NOTCH3: variants seen among roughly 807,000 people sequenced by gnomAD.
The protein encoded by NOTCH3 is neurogenic locus notch homolog protein 3.
A neutral mutation model predicts 213.3 loss-of-function variants in NOTCH3; 86 were observed. The ratio of observed to expected loss-of-function variants is 0.40; its 90% CI spans 0.34 to 0.48. NOTCH3 has a LOEUF of 0.48. Ranked by LOEUF, NOTCH3 falls within the 20% of genes least tolerant of loss-of-function variation. NOTCH3 has a pLI of 0.57. For missense variants in NOTCH3, 2,783 were observed against 3,272.6 expected, an observed-to-expected ratio of 0.85 and a Z score of 3.65; for synonymous variants, 1,354 against 1,355.9, an observed-to-expected ratio of 1.00 and a Z score of 0.03.
rs764529585 is a variant in NOTCH3, at chr19:15,174,070, G to A, written c.4734C>T (p.Ile1578=). 3.3e-5 allele frequency: 51 copies of A among 1,566,690 alleles called. No homozygotes were observed. Among genetic ancestry groups the A allele is most frequent in the Non-Finnish European group, 4.3e-5 (49 of 1,152,160 alleles). ...RARRELAPEV[I]GSVVMLEIDN... is the part of the protein sequence containing the mutation. Reference sequence around the variant, plus strand: ...CTTTTCCAGGTGGGGTCACTCACCCGATCACCTCGGGGGCCAGCTCCCGAC... The same window carrying A: ...CTTTTCCAGGTGGGGTCACTCACCCAATCACCTCGGGGGCCAGCTCCCGAC... The change falls in exon 25 of 33, where the codon ATC becomes ATT. Residue 1578 remains isoleucine (I), a splice_region_variant and synonymous_variant. Coordinates refer to ENST00000263388, the MANE Select transcript of NOTCH3 (RefSeq NM_000435.3).
At chr19:15,177,071 TAAAAAA>T (rs776950725) in intron 24 of NOTCH3, among the ~76,000 whole-genome samples, 23 of 79,144 alleles carry the variant, frequency 2.9e-4, no homozygotes, top group African/African-American at 8.1e-4. Flanking sequence ...GACTCCGTCT[TAAAAAA>T]AAAAAAAAAA....
In NOTCH3 at chr19:15,167,403, C is replaced by T. The variant is rs200331646; in HGVS notation, c.5208G>A (p.Glu1736=). ...CPEAKRLKVE[E]PGMGAEEAVD... is the part of the protein sequence containing the mutation. ...CAGCCTCCTCAGCCCCCATGCCTGG[C>T]TCCTCTACCTGGAGGGGCAGGCACC... The change falls in exon 29 of 33, where the codon GAG becomes GAA. Residue 1736 remains glutamate (E), a synonymous_variant. Coordinates refer to ENST00000263388, the MANE Select transcript of NOTCH3 (RefSeq NM_000435.3). 1.9e-6 allele frequency: 3 copies of T among 1,605,528 alleles called. No homozygotes were observed. The highest frequency in any genetic ancestry group is 2.5e-6 in the Non-Finnish European group (3 of 1,179,990).
intron 24 of NOTCH3, among the ~76,000 whole-genome samples, chr19:15,174,950 A>G (rs779908156): frequency 1.3e-5 from 2 of 151,576 alleles, no homozygotes; most frequent in Non-Finnish European, 2.9e-5. Flanking sequence ...CAGTGGTGCA[A>G]TCATAGCTCT....
chr19:15,180,936 C>A (rs1197954968), intron 18 of NOTCH3, 25 bp downstream of exon 18: 1 of 1,583,944 alleles, frequency 6.3e-7, no homozygotes, highest in Non-Finnish European at 8.6e-7. Context: ...GGCTCCTCCC[C>A]CAGGTCCCCA....
chr19:15,184,355 T>A lies in NOTCH3; in HGVS notation c.2506A>T (p.Thr836Ser). ...GGGCCAGTGTACCCTCCATGGCAGG[T>A]GCAGCTGAAACTCCCTGCCAGGTTG... Reference protein sequence around the residue: ...CTNLAGSFSCTCHGGYTGPSC... With the variant: ...CTNLAGSFSCSCHGGYTGPSC... Residue 836 changes from threonine to serine, a missense_variant, in exon 16 of 33, where the codon ACC becomes TCC. Transcript: ENST00000263388. 6.2e-7 allele frequency: 1 copy of A among 1,613,124 alleles called. No individual in the cohort carries two copies. Among genetic ancestry groups the A allele is most frequent in the Non-Finnish European group, 8.5e-7 (1 of 1,179,852 alleles).
rs202085803 is a variant in NOTCH3 at position 15,174,360 on chromosome 19, C to G, written c.4444G>C (p.Gly1482Arg). Residue 1482 changes from glycine to arginine, a missense_variant, in exon 25 of 33, where the codon GGC (glycine) becomes CGC (arginine). Physicochemically the swap from Gly to Arg is moderately radical, Grantham distance 125. Around this residue, in one of 6 missense-constraint regions of NOTCH3, gnomAD observed 636 missense variants for 801.8 expected, o/e 0.79. Coordinates refer to ENST00000263388, the MANE Select transcript of NOTCH3 (RefSeq NM_000435.3). ...GTGTTGCAGCCCTGGTCGCAGCGGC[C>G]GTCGGCAAAGTGGTCGGCGCAGTAC... ...EKYCADHFAD[G>R]RCDQGCNTEE... is the part of the protein sequence containing the mutation. The G allele has an allele frequency of 1.9e-6, 3 of 1,545,872 alleles. No individual in the cohort carries two copies. In the Admixed American group the frequency reaches 5.9e-5, roughly 30 times the overall value.
At chr19:15,179,544 C>T (rs1355288661) in intron 20 of NOTCH3, 48 bp from the exon 21 acceptor site, 1 of 1,605,214 alleles carries the variant, frequency 6.2e-7, no homozygotes, top group East Asian at 2.2e-5. Context: ...GGGACACAGA[C>T]CCACCTGGAC....
At position 15,184,404 on chromosome 19, in the gene NOTCH3, G is replaced by A. The variant is rs764248149; in HGVS notation, c.2457C>T (p.Pro819=). ...TGGTGCAGATACCATGAGGGCCACA[G>A]GGTGCGGGGCCAGCACACTCGTCCA... ...QDVDECAGPA[P]CGPHGICTNL... Residue 819 remains proline (P), a synonymous_variant, in exon 16 of 33, where the codon CCC becomes CCT. Coordinates refer to ENST00000263388, the MANE Select transcript of NOTCH3 (RefSeq NM_000435.3). The A allele has an allele frequency of 6.2e-7, 1 of 1,613,910 alleles. No individual in the cohort carries two copies. The highest frequency in any genetic ancestry group is 8.5e-7 in the Non-Finnish European group (1 of 1,179,906).
intron 18 of NOTCH3, 32 bp from the exon 19 acceptor site, chr19:15,180,860 G>A: frequency 6.2e-7 from 1 of 1,610,542 alleles, no homozygotes; most frequent in Non-Finnish European, 8.5e-7. Flanking sequence ...TCAGTACTGT[G>A]GGGTGGGGGG....
intron 2 of NOTCH3, among the ~76,000 whole-genome samples, chr19:15,193,368 C>T (rs1391296851): frequency 6.6e-6 from 1 of 151,898 alleles, no homozygotes; most frequent in Admixed American, 6.6e-5. Flanking sequence ...TCCTGCGTAG[C>T]TGGGAGTACA....
chr19:15,182,029 G>A (rs1157611307), intron 16 of NOTCH3, among the ~76,000 whole-genome samples: 1 of 152,168 alleles, frequency 6.6e-6, no homozygotes, highest in Admixed American at 6.5e-5. Flanking sequence ...AAACCAAAAG[G>A]TCCCTTTAAG....
chr19:15,174,299 C>A lies in NOTCH3; in HGVS notation c.4505G>T (p.Ser1502Ile). The stretch of plus-strand genomic sequence containing the variant: ...GCGGGCCAGCAGGGCCGGCACCTCG[C>A]TGGCACAATCCAGCCCATCCCAGCC... ...ECGWDGLDCA[S>I]EVPALLARGV... Residue 1502 changes from serine to isoleucine, a missense_variant, in exon 25 of 33, where the codon AGC becomes ATC. Coordinates refer to ENST00000263388, the MANE Select transcript of NOTCH3 (RefSeq NM_000435.3). 1 of 1,556,834 alleles carries A rather than the reference C, an allele frequency of 6.4e-7. No homozygotes were observed.
In NOTCH3 at chr19:15,189,323, G is replaced by T; in HGVS notation, c.1142C>A (p.Pro381His). The change falls in exon 7 of 33, where the codon CCC becomes CAC. Residue 381 changes from proline to histidine, a missense_variant. By Grantham distance (77) the Pro-to-His change is moderately conservative (BLOSUM62 -2). Around this residue, in one of 6 missense-constraint regions of NOTCH3, gnomAD observed 708 missense variants for 906.6 expected, o/e 0.78. Coordinates refer to ENST00000263388, the MANE Select transcript of NOTCH3 (RefSeq NM_000435.3). ...GTCACATGCCCCACCCGTGAAGCCGGGAGGACAGGTGCAAATGGCCCGGCC... is the reference window on the plus strand; with the variant it reads ...GTCACATGCCCCACCCGTGAAGCCGTGAGGACAGGTGCAAATGGCCCGGCC... ...VNGRAICTCP[P>H]GFTGGACDQD... 1 of 1,614,058 alleles carries T rather than the reference G, an allele frequency of 6.2e-7. No individual in the cohort carries two copies. Among genetic ancestry groups the T allele is most frequent in the Non-Finnish European group, 8.5e-7 (1 of 1,180,030 alleles).
chr19:15,162,659 G>T lies in NOTCH3; in HGVS notation c.5816-97C>A, dbSNP rs1048587758. The T allele has an allele frequency of 3.5e-6, 3 of 858,436 alleles. No homozygotes were observed. The Admixed American group carries it at 5.9e-5, about 17-fold the overall frequency. The allele number at this position is 858,436 out of a possible 1,614,324, so 53.2% of individuals were successfully genotyped here. ...TTGTCTAGAATGTGGCCTAGGGGTA[G>T]AGGAGGCAGGCCTGCCGTGAATATC... is the stretch of plus-strand genomic sequence containing the variant. On this transcript the variant is annotated intron_variant, in intron 31 of 32. Transcript: ENST00000263388.
intron 25 of NOTCH3, among the ~76,000 whole-genome samples, chr19:15,171,440 C>T (rs1464803085): frequency 6.6e-6 from 1 of 152,210 alleles, no homozygotes; most frequent in Non-Finnish European, 1.5e-5. Context: ...GCCTTGACCT[C>T]CCGCCTTCAA....
intron 11 of NOTCH3, 39 bp downstream of exon 11, chr19:15,187,066 C>T (rs940238075): frequency 5.1e-5 from 82 of 1,607,330 alleles, no homozygotes; most frequent in Non-Finnish European, 6.9e-5. Flanking sequence ...CTCTGTGCCC[C>T]TCCAGGTGTG....
rs2046630662 is a variant in NOTCH3, at chr19:15,160,481, A to C, written c.*181T>G. On this transcript the variant is annotated 3_prime_UTR_variant, in exon 33 of 33. Coordinates refer to ENST00000263388, the MANE Select transcript of NOTCH3 (RefSeq NM_000435.3). ...TGGTAGCCCCCACCCATTATAAATA[A>C]AGGAAGACTGAAGCCCTGGGCTGAT... 2.3e-5 allele frequency: 15 copies of C among 650,316 alleles called. No individual in the cohort carries two copies. The South Asian group carries it at 2.6e-4, about 11-fold the overall frequency. 40.3% of individuals were successfully genotyped at this position (650,316 alleles called of 1,614,324 possible).
rs755361843 is a variant in NOTCH3 at position 15,189,130 on chromosome 19, C to T, written c.1237G>A (p.Gly413Ser). 1 of 1,613,400 alleles carries T rather than the reference C, an allele frequency of 6.2e-7. No homozygotes were observed. Among genetic ancestry groups the T allele is most frequent in the South Asian group, 1.1e-5 (1 of 91,090 alleles). Reference protein sequence around the residue: ...EHLGRCVNTQGSFLCQCGRGY... With the variant: ...EHLGRCVNTQSSFLCQCGRGY... ...CGACCGCACTGGCACAGGAAGGAGC[C>T]CTGCGTGTTCACGCACCTGCCCAAG... The change falls in exon 8 of 33, where the codon GGC becomes AGC. Residue 413 changes from glycine (G) to serine (S), a missense_variant. Gly to Ser is a moderately conservative substitution (Grantham distance 56). Transcript: ENST00000263388.
chr19:15,177,836 C>A lies in NOTCH3; in HGVS notation c.4092G>T (p.Ala1364=), dbSNP rs886054256. ...PLAPFFRCAC[A]QGWTGPRCEA... ...CGCAGCGCGGCCCGGTCCAGCCCTG[C>A]GCGCAAGCGCAGCGGAAGAAGGGCG... The change falls in exon 24 of 33, where the codon GCG becomes GCT. Residue 1364 remains alanine (A), a synonymous_variant. Coordinates refer to ENST00000263388, the MANE Select transcript of NOTCH3 (RefSeq NM_000435.3). 8.2e-7 allele frequency: 1 copy of A among 1,220,720 alleles called. No individual in the cohort carries two copies. The highest frequency in any genetic ancestry group is 3.7e-5 in the South Asian group (1 of 26,832). The allele number at this position is 1,220,720 out of a possible 1,614,324, so 75.6% of individuals were successfully genotyped here.
Sources: allele counts gnomAD v4.1 joint callset (sites outside exome capture counted in the v4.1 genomes callset), GRCh38; gene constraint gnomAD v4.1.1; regional missense constraint gnomAD v4.1.1; transcripts MANE v1.5; gene names NCBI Gene and HGNC (gene_info 2026-07-23, HGNC 2026-07-21).